The following ANKFN1 variants were observed in gnomAD, a reference collection of about 807,000 sequenced individuals.
The protein encoded by ANKFN1 is ankyrin repeat and fibronectin type-III domain-containing protein 1.
Under a neutral mutation model 108.7 loss-of-function variants are expected in ANKFN1, and 74 were observed. That is an observed-to-expected ratio of 0.68 (90% CI 0.56 to 0.83). The LOEUF is 0.83. Among genes scored for constraint, ANKFN1 ranks in the 40% least tolerant of loss-of-function variants. The pLI is 0.00. For synonymous variants in ANKFN1, 547 were observed against 516.2 expected (o/e 1.06, Z -0.81); for missense variants, 1,505 against 1,382.3 (o/e 1.09, Z -1.41).
At chr17:56,457,162 C>T in intron 12 of ANKFN1, 95 bp from the exon 13 acceptor site, 2 of 1,284,638 alleles carry the variant, frequency 1.6e-6, no homozygotes. Flanking sequence ...GAATACGTTC[C>T]TAGGTATATT....
intron 1 of ANKFN1, among the ~76,000 whole-genome samples, chr17:56,210,271 G>T (rs1016056045): frequency 6.6e-6 from 1 of 152,158 alleles, no homozygotes; most frequent in African/African-American, 2.4e-5. Flanking sequence ...GGGATTGCTG[G>T]ATCGGGATGG....
intron 2 of ANKFN1, among the ~76,000 whole-genome samples, chr17:56,217,908 A>G (rs1480314459): frequency 6.6e-6 from 1 of 152,104 alleles, no homozygotes; most frequent in East Asian, 1.9e-4. Context: ...TCTCTAATAG[A>G]TTTACTTGCT....
intron 3 of ANKFN1, among the ~76,000 whole-genome samples, chr17:56,289,368 G>T (rs1443816963): frequency 6.6e-6 from 1 of 152,078 alleles, no homozygotes; most frequent in African/African-American, 2.4e-5. Context: ...CTGACTAGAA[G>T]GCCTCTAATT....
At chr17:56,240,157 C>T (rs925694128) in intron 3 of ANKFN1, among the ~76,000 whole-genome samples, 1 of 151,794 alleles carries the variant, frequency 6.6e-6, no homozygotes, top group African/African-American at 2.4e-5. Context: ...TTCATATGCC[C>T]CCTTTCCTGG....
intron 3 of ANKFN1, among the ~76,000 whole-genome samples, chr17:56,230,168 C>A (rs775258153): frequency 1.3e-5 from 2 of 152,048 alleles, no homozygotes; most frequent in African/African-American, 2.4e-5. Flanking sequence ...TCCCAACCCA[C>A]GGATGGAGGA....
At chr17:56,181,827 G>T (rs573508601) in intron 1 of ANKFN1, among the ~76,000 whole-genome samples, 2 of 152,212 alleles carry the variant, frequency 1.3e-5, no homozygotes, top group Non-Finnish European at 2.9e-5. Context: ...CAAATTGAAG[G>T]TTTGTGACAA....
intron 8 of ANKFN1, among the ~76,000 whole-genome samples, chr17:56,404,566 G>A (rs777630041): frequency 6.6e-6 from 1 of 151,868 alleles, no homozygotes; most frequent in Non-Finnish European, 1.5e-5. Context: ...TTCACTTCTT[G>A]TACCACCTTT....
intron 10 of ANKFN1, among the ~76,000 whole-genome samples, chr17:56,443,302 G>A (rs1157273893): frequency 6.6e-6 from 1 of 152,102 alleles, no homozygotes; most frequent in African/African-American, 2.4e-5. Context: ...AGAGTTCGAG[G>A]CTATAGTGAG....
At chr17:56,288,006 A>G (rs2144288891) in intron 3 of ANKFN1, among the ~76,000 whole-genome samples, 1 of 152,158 alleles carries the variant, frequency 6.6e-6, no homozygotes, top group South Asian at 2.1e-4. Flanking sequence ...GTAACTGTGT[A>G]TGTATCCGTT....
chr17:56,120,702 C>T (rs1448888249), intron 4 of ANKFN1, among the ~76,000 whole-genome samples: 1 of 152,130 alleles, frequency 6.6e-6, no homozygotes, highest in Admixed American at 6.5e-5. Flanking sequence ...TTCACAACTT[C>T]AACTGTCTTC....
At chr17:56,465,359 C>A (rs766527124) in intron 14 of ANKFN1, among the ~76,000 whole-genome samples, 1 of 152,186 alleles carries the variant, frequency 6.6e-6, no homozygotes, top group African/African-American at 2.4e-5. Flanking sequence ...GTTTCGGCCG[C>A]AGTCCCTACC....
intron 18 of ANKFN1, among the ~76,000 whole-genome samples, chr17:56,489,263 G>A (rs1468745706): frequency 1.3e-5 from 2 of 152,118 alleles, no homozygotes; most frequent in South Asian, 4.2e-4. Flanking sequence ...ATGTGGTCCA[G>A]CTAATGACAT....
chr17:56,321,662 C>T (rs1223716889), intron 3 of ANKFN1, among the ~76,000 whole-genome samples: 1 of 152,134 alleles, frequency 6.6e-6, no homozygotes. Context: ...TTACTGGCTT[C>T]TGATGTTGGT....
intron 4 of ANKFN1, among the ~76,000 whole-genome samples, chr17:56,142,677 C>G (rs181223444): frequency 1.3e-5 from 2 of 152,288 alleles, no homozygotes; most frequent in Admixed American, 6.5e-5. Context: ...CATGCTGAAG[C>G]CTTCATTTCT....
chr17:56,493,053 T>A lies in ANKFN1; in HGVS notation c.2427+700T>A, dbSNP rs148382252. On this transcript the variant is annotated intron_variant, in intron 19 of 20. Transcript: ENST00000682825. The stretch of plus-strand genomic sequence containing the variant: ...GAGTAGAATAGCAATAGCCCCATGA[T>A]AAATATCACTATGATACATATTCAG... Among the ~76,000 whole-genome samples, 258 of 152,308 alleles carry A rather than the reference T, an allele frequency of 1.7e-3. 4 individuals carry two copies. The highest frequency in any genetic ancestry group is 0.01 in the East Asian group (54 of 5,178).
intron 4 of ANKFN1, among the ~76,000 whole-genome samples, chr17:56,331,680 G>C (rs1171494390): frequency 2.0e-5 from 3 of 152,110 alleles, no homozygotes; most frequent in Non-Finnish European, 4.4e-5. Context: ...GTAACATCTT[G>C]GACAGGTTAG....
chr17:56,202,713 G>A (rs1023983099), intron 1 of ANKFN1, among the ~76,000 whole-genome samples: 1 of 152,110 alleles, frequency 6.6e-6, no homozygotes, highest in Admixed American at 6.5e-5. Flanking sequence ...ACATGGATTT[G>A]TATAGGGATT....
In ANKFN1 at chr17:56,260,469, G is replaced by T. The variant is rs571785108; in HGVS notation, c.53+32512G>T. Among the ~76,000 whole-genome samples the T allele has an allele frequency of 5.9e-4, 90 of 152,186 alleles. 1 individual carries two copies. Among genetic ancestry groups the T allele is most frequent in the Middle Eastern group, 3.4e-3 (1 of 294 alleles). ...TGCACCGCCTTTGGCAAATAGGGGCGGGTGGGGACAAGGTTTCTAACATCT... is the reference window on the plus strand; with the variant it reads ...TGCACCGCCTTTGGCAAATAGGGGCTGGTGGGGACAAGGTTTCTAACATCT... On this transcript the variant is annotated intron_variant, in intron 3 of 20. Transcript: ENST00000682825.
chr17:56,206,422 G>A (rs1914540923), intron 1 of ANKFN1: 1 of 152,066 alleles, frequency 6.6e-6, no homozygotes, highest in Non-Finnish European at 1.5e-5. Flanking sequence ...TACTAGATTT[G>A]AGAAGCACAG....
Sources: gnomAD v4.1 joint callset for allele counts (sites outside exome capture counted in the v4.1 genomes callset) on GRCh38, gnomAD v4.1.1 for gene constraint, MANE v1.5 for transcripts, NCBI Gene and HGNC (gene_info 2026-07-23, HGNC 2026-07-21) for gene names.